The following SYN3 variants were observed in gnomAD, a reference collection of about 807,000 sequenced individuals.
SYN3 encodes synapsin-3.
SYN3 carries 35 observed loss-of-function variants against 65.8 expected under a neutral mutation model. The ratio of observed to expected loss-of-function variants is 0.53; its 90% CI spans 0.41 to 0.70. The LOEUF (loss-of-function observed/expected upper bound fraction) is 0.70, where lower values mean the gene tolerates loss of function less well. Among genes scored for constraint, SYN3 ranks in the 30% least tolerant of loss-of-function variants. SYN3 has a pLI of 0.00. For missense variants in SYN3, 680 were observed against 749.0 expected, an observed-to-expected ratio of 0.91 and a Z score of 1.08; for synonymous variants, 270 against 292.9, an observed-to-expected ratio of 0.92 and a Z score of 0.80.
At chr22:32,562,689 G>A (rs1359697322) in intron 7 of SYN3, among the ~76,000 whole-genome samples, 2 of 152,248 alleles carry the variant, frequency 1.3e-5, no homozygotes, top group African/African-American at 4.8e-5. Context: ...CCTCCCAGGC[G>A]AGATTCCAGA....
At chr22:32,586,014 GTATA>G (rs1569065335) in intron 7 of SYN3, among the ~76,000 whole-genome samples, 1 of 120,702 alleles carries the variant, frequency 8.3e-6, no homozygotes, top group Non-Finnish European at 1.7e-5. Context: ...GTATGTATAC[GTATA>G]TATGTATGTA....
In SYN3 at chr22:32,937,704, G is replaced by A. The variant is rs140431588; in HGVS notation, c.370-6223C>T. Among the ~76,000 whole-genome samples the A allele has an allele frequency of 1.4e-3, 219 of 152,182 alleles. 1 individual carries two copies. The highest frequency in any genetic ancestry group is 3.4e-3 in the Admixed American group (52 of 15,276). Reference sequence around the variant, plus strand: ...TTTGCCAGGCCCCACCTCCAACAGCGGGGATTACAATTCAACATGAGATTT... The same window carrying A: ...TTTGCCAGGCCCCACCTCCAACAGCAGGGATTACAATTCAACATGAGATTT... On this transcript the variant is annotated intron_variant, in intron 3 of 13. Coordinates refer to ENST00000358763, the MANE Select transcript of SYN3 (RefSeq NM_003490.4).
At chr22:32,686,976 G>A (rs1419430022) in intron 6 of SYN3, among the ~76,000 whole-genome samples, 1 of 151,994 alleles carries the variant, frequency 6.6e-6, no homozygotes, top group African/African-American at 2.4e-5. Flanking sequence ...TGGAAGTGGA[G>A]CAAAGAGGAG....
chr22:32,756,840 T>C (rs2045304720), intron 6 of SYN3, among the ~76,000 whole-genome samples: 1 of 152,206 alleles, frequency 6.6e-6, no homozygotes, highest in African/African-American at 2.4e-5. Flanking sequence ...ATCTCTTTTC[T>C]TGGTAAATTA....
At chr22:33,010,330 G>A (rs1323943128) in intron 1 of SYN3, among the ~76,000 whole-genome samples, 1 of 152,158 alleles carries the variant, frequency 6.6e-6, no homozygotes, top group Non-Finnish European at 1.5e-5. Flanking sequence ...GTTGAGGTCG[G>A]GGATCCAACT....
chr22:33,035,949 C>T (rs2053851448), intron 1 of SYN3, among the ~76,000 whole-genome samples: 1 of 152,120 alleles, frequency 6.6e-6, no homozygotes, highest in Admixed American at 6.5e-5. Flanking sequence ...CTTCCCAGGT[C>T]CAGGACAAAG....
At chr22:32,550,406 C>T (rs902716783) in intron 7 of SYN3, among the ~76,000 whole-genome samples, 9 of 149,922 alleles carry the variant, frequency 6.0e-5, no homozygotes, top group African/African-American at 2.2e-4. Context: ...ACTATATATC[C>T]CTAGCAGAAA....
intron 4 of SYN3, among the ~76,000 whole-genome samples, chr22:32,915,107 C>T (rs971044076): frequency 7.9e-5 from 12 of 152,206 alleles, no homozygotes; most frequent in South Asian, 4.2e-4. Flanking sequence ...GAACATCACA[C>T]GCTGAGGCCT....
intron 4 of SYN3, among the ~76,000 whole-genome samples, chr22:32,897,948 T>C (rs1180914020): frequency 6.6e-6 from 1 of 152,118 alleles, no homozygotes; most frequent in Admixed American, 6.6e-5. Flanking sequence ...GCCTCCCAAG[T>C]AGCTAGGACT....
intron 1 of SYN3, among the ~76,000 whole-genome samples, chr22:33,034,118 G>A (rs1047039210): frequency 4.4e-4 from 67 of 151,344 alleles, no homozygotes; most frequent in African/African-American, 1.6e-3. Flanking sequence ...CCCAGGAGGC[G>A]GAGGTTGCAG....
chr22:32,851,037 T>A (rs2146253633), intron 6 of SYN3, among the ~76,000 whole-genome samples: 1 of 152,278 alleles, frequency 6.6e-6, no homozygotes, highest in South Asian at 2.1e-4. Context: ...CCTGGCCAGT[T>A]GCCCTTGGCT....
At chr22:32,523,318 A>T (rs752966178) in intron 12 of SYN3, among the ~76,000 whole-genome samples, 1 of 152,112 alleles carries the variant, frequency 6.6e-6, no homozygotes, top group Non-Finnish European at 1.5e-5. Flanking sequence ...CGAGACCATC[A>T]TGGCCAACAT....
chr22:32,627,157 C>T (rs571550660), intron 6 of SYN3, among the ~76,000 whole-genome samples: 2 of 134,426 alleles, frequency 1.5e-5, no homozygotes, highest in East Asian at 5.4e-4. Flanking sequence ...GTGCGGCGGG[C>T]GGGTAACTTC....
At chr22:32,760,647 C>T (rs1462091295) in intron 6 of SYN3, among the ~76,000 whole-genome samples, 1 of 152,138 alleles carries the variant, frequency 6.6e-6, no homozygotes, top group East Asian at 1.9e-4. Flanking sequence ...CCACAGTGCC[C>T]AGGCTTCTGA....
At chr22:32,582,097 C>G (rs985487415) in intron 7 of SYN3, among the ~76,000 whole-genome samples, 2 of 152,082 alleles carry the variant, frequency 1.3e-5, no homozygotes, top group Non-Finnish European at 2.9e-5. Context: ...CACACCCGGC[C>G]TGAGAATTGA....
intron 1 of SYN3, among the ~76,000 whole-genome samples, chr22:33,050,359 A>C (rs551145462): frequency 6.6e-6 from 1 of 151,814 alleles, no homozygotes; most frequent in African/African-American, 2.4e-5. Context: ...GGTGCACGTC[A>C]GTAGTCCCAG....
chr22:32,960,522 C>T (rs1447109950), intron 3 of SYN3, among the ~76,000 whole-genome samples: 3 of 152,206 alleles, frequency 2.0e-5, no homozygotes, highest in African/African-American at 7.2e-5. Context: ...GCATGGGGTG[C>T]TGTGCCTCCT....
At chr22:32,936,724 G>A (rs1426396656) in intron 3 of SYN3, among the ~76,000 whole-genome samples, 3 of 152,166 alleles carry the variant, frequency 2.0e-5, no homozygotes, top group African/African-American at 7.2e-5. Flanking sequence ...TAGTGGGACT[G>A]AATTATCCCT....
rs753013293 is a variant in SYN3, at chr22:32,528,873, C to T, written c.1230+1G>A. 7 of 1,614,132 alleles carry T rather than the reference C, an allele frequency of 4.3e-6. No homozygotes were observed. The highest frequency in any genetic ancestry group is 5.1e-6 in the Non-Finnish European group (6 of 1,180,020). On this transcript the variant is annotated splice_donor_variant, in intron 11 of 13. Coordinates refer to ENST00000358763, the MANE Select transcript of SYN3 (RefSeq NM_003490.4). LOFTEE classifies it high-confidence loss of function. The stretch of plus-strand genomic sequence containing the variant: ...GTCTCCTTTGATCGTGAGGGTCTTA[C>T]CCAAGGTCTGAGGGGGGAGGGCGCT...
Sources: allele counts gnomAD v4.1 joint callset (sites outside exome capture counted in the v4.1 genomes callset), GRCh38; gene constraint gnomAD v4.1.1; transcripts MANE v1.5; gene names NCBI Gene and HGNC (gene_info 2026-07-23, HGNC 2026-07-21).